PSD3: variants seen among roughly 807,000 people sequenced by gnomAD.
PSD3 encodes pleckstrin and Sec7 domain containing 3.
PSD3 carries 49 observed loss-of-function variants against 105.5 expected under a neutral mutation model. The ratio of observed to expected loss-of-function variants is 0.46; its 90% CI spans 0.37 to 0.59. The LOEUF is 0.59. Among genes scored for constraint, PSD3 ranks in the 20% least tolerant of loss-of-function variants. PSD3 has a pLI of 0.00. For synonymous variants in PSD3, 557 were observed against 457.8 expected (o/e 1.22, Z -2.77); for missense variants, 1,561 against 1,263.8 (o/e 1.24, Z -3.57).
At chr8:19,033,450 T>C (rs114699177) in intron 1 of PSD3, among the ~76,000 whole-genome samples, 1 of 152,188 alleles carries the variant, frequency 6.6e-6, no homozygotes, top group Admixed American at 6.5e-5. Flanking sequence ...AAGAATAGTG[T>C]TTCTCTTCCA....
chr8:18,994,648 T>C (rs1825973981), intron 1 of PSD3, among the ~76,000 whole-genome samples: 2 of 151,972 alleles, frequency 1.3e-5, no homozygotes, highest in South Asian at 4.2e-4. Context: ...AAAATGACAA[T>C]ATTTCGGACA....
intron 11 of PSD3, among the ~76,000 whole-genome samples, chr8:18,613,111 T>C (rs182709370): frequency 2.6e-5 from 4 of 152,178 alleles, no homozygotes; most frequent in East Asian, 1.9e-4. Context: ...CATCATTTTT[T>C]TCAGGAAAAA....
intron 4 of PSD3, among the ~76,000 whole-genome samples, chr8:18,863,142 A>G (rs905533394): frequency 1.3e-5 from 2 of 152,224 alleles, no homozygotes; most frequent in African/African-American, 2.4e-5. Flanking sequence ...AGTTCCTGCC[A>G]TGTCACGGTA....
intron 8 of PSD3, among the ~76,000 whole-genome samples, chr8:18,787,243 T>C (rs1386096877): frequency 1.3e-5 from 2 of 152,246 alleles, no homozygotes; most frequent in South Asian, 2.1e-4. Flanking sequence ...TGTTGACCAG[T>C]TGCATGCCAA....
chr8:19,042,364 C>T (rs529683893), intron 1 of PSD3, among the ~76,000 whole-genome samples: 1 of 152,260 alleles, frequency 6.6e-6, no homozygotes, highest in South Asian at 2.1e-4. Flanking sequence ...AAGTCCCCAA[C>T]ATGTTCTCCA....
intron 11 of PSD3, among the ~76,000 whole-genome samples, chr8:18,614,723 G>A (rs899936945): frequency 6.6e-6 from 1 of 152,128 alleles, no homozygotes; most frequent in East Asian, 1.9e-4. Flanking sequence ...CCAATTGCCA[G>A]GCTCAAGCAA....
At chr8:19,076,688 T>C (rs1457896198) in intron 1 of PSD3, among the ~76,000 whole-genome samples, 1 of 152,200 alleles carries the variant, frequency 6.6e-6, no homozygotes, top group East Asian at 1.9e-4. Context: ...TGTTTTTAAA[T>C]TGTTACTTTA....
intron 11 of PSD3, among the ~76,000 whole-genome samples, chr8:18,614,985 C>T (rs1185276480): frequency 6.6e-6 from 1 of 152,104 alleles, no homozygotes; most frequent in Non-Finnish European, 1.5e-5. Flanking sequence ...GGAGAACTTG[C>T]TGTTTTTAAT....
chr8:18,896,168 A>G (rs779442807), intron 2 of PSD3, among the ~76,000 whole-genome samples: 27 of 152,228 alleles, frequency 1.8e-4, no homozygotes, highest in Non-Finnish European at 3.5e-4. Context: ...TTACTGCAAA[A>G]GAGTATTCTA....
intron 9 of PSD3, among the ~76,000 whole-genome samples, chr8:18,686,789 G>T (rs1279681993): frequency 6.6e-6 from 1 of 152,184 alleles, no homozygotes; most frequent in Non-Finnish European, 1.5e-5. Context: ...AGGCAAGCTT[G>T]CCTCCTTTCT....
intron 14 of PSD3, among the ~76,000 whole-genome samples, chr8:18,560,206 AC>A (rs1168226107): frequency 4.3e-4 from 65 of 151,910 alleles, no homozygotes; most frequent in Non-Finnish European, 5.7e-4. Context: ...ACACACACAC[AC>A]ACAAACAAAA....
chr8:18,953,899 A>T (rs1341516180), intron 1 of PSD3, among the ~76,000 whole-genome samples: 1 of 152,194 alleles, frequency 6.6e-6, no homozygotes, highest in African/African-American at 2.4e-5. Context: ...GTGTAGTATG[A>T]CACTTAAGAC....
chr8:18,916,349 T>TACACACACACAC (rs1216820670), intron 2 of PSD3, among the ~76,000 whole-genome samples: 14 of 44,738 alleles, frequency 3.1e-4, no homozygotes, highest in Admixed American at 2.8e-3. Context: ...TATATATATA[T>TACACACACACAC]ACACACACAC....
intron 4 of PSD3, among the ~76,000 whole-genome samples, chr8:18,866,309 C>T (rs1467738286): frequency 6.6e-6 from 1 of 152,220 alleles, no homozygotes; most frequent in Non-Finnish European, 1.5e-5. Context: ...CACTGAGAGA[C>T]ACTCTGATCT....
chr8:18,610,052 T>A (rs1448253056), intron 11 of PSD3, among the ~76,000 whole-genome samples: 2 of 152,228 alleles, frequency 1.3e-5, no homozygotes, highest in Non-Finnish European at 2.9e-5. Flanking sequence ...TAATCACTTA[T>A]CTTTGAAACA....
rs755927640 is a variant in PSD3, at chr8:18,535,565, G to C, written c.*178C>G. The stretch of plus-strand genomic sequence containing the variant: ...AGTTGCAAAAATCATCAAAGCAAAA[G>C]AAATCAAGAGCAAAGACAATCTGTA... On this transcript the variant is annotated 3_prime_UTR_variant, in exon 16 of 16. Coordinates refer to ENST00000327040, the MANE Select transcript of PSD3 (RefSeq NM_015310.4). 3 of 609,712 alleles carry C rather than the reference G, an allele frequency of 4.9e-6. No homozygotes were observed. Among genetic ancestry groups the C allele is most frequent in the East Asian group, 2.8e-5 (1 of 35,724 alleles). 37.8% of individuals were successfully genotyped at this position (609,712 alleles called of 1,614,324 possible).
At chr8:18,720,182 C>CA (rs1016433756) in intron 9 of PSD3, among the ~76,000 whole-genome samples, 37 of 151,822 alleles carry the variant, frequency 2.4e-4, no homozygotes, top group East Asian at 7.8e-4. Flanking sequence ...AAAACAAAAA[C>CA]AAAAAAACAA....
In PSD3 at chr8:18,804,903, G is replaced by C; in HGVS notation, c.1635-5C>G. On this transcript the variant is annotated splice_polypyrimidine_tract_variant and splice_region_variant and intron_variant, in intron 4 of 15. Transcript: ENST00000327040. ...GTTGTTTTCACCCCAGCATTGCTATGATAATTGATAAAGAGAGAAAATAAT... is the reference window on the plus strand; with the variant it reads ...GTTGTTTTCACCCCAGCATTGCTATCATAATTGATAAAGAGAGAAAATAAT... The C allele has an allele frequency of 6.3e-7, 1 of 1,575,802 alleles. No homozygotes were observed. The highest frequency in any genetic ancestry group is 1.2e-5 in the South Asian group (1 of 86,340).
intron 2 of PSD3, among the ~76,000 whole-genome samples, chr8:18,880,103 A>G (rs56679400): frequency 0.011 from 1,740 of 152,292 alleles, 44 homozygotes; most frequent in African/African-American, 0.039. Context: ...ATTGGTTATC[A>G]CAACTTGACT....
Sources: allele counts gnomAD v4.1 joint callset (sites outside exome capture counted in the v4.1 genomes callset), GRCh38; gene constraint gnomAD v4.1.1; transcripts MANE v1.5; gene names NCBI Gene and HGNC (gene_info 2026-07-23, HGNC 2026-07-21).